LRBA: variants seen among roughly 807,000 people sequenced by gnomAD.
The protein encoded by LRBA is lipopolysaccharide-responsive and beige-like anchor protein.
In LRBA, 176 loss-of-function variants were observed where a neutral mutation model predicts 330.0. That is an observed-to-expected ratio of 0.53 (90% confidence interval 0.47 to 0.60). LRBA has a LOEUF of 0.60. LRBA is among the 20% of genes least tolerant of loss of function. The pLI is 0.00. For synonymous variants in LRBA, 1,230 were observed against 1,193.0 expected, an observed-to-expected ratio of 1.03 and a Z score of -0.64; for missense variants, 3,259 against 3,444.8, an observed-to-expected ratio of 0.95 and a Z score of 1.35.
intron 40 of LRBA, among the ~76,000 whole-genome samples, chr4:150,523,115 C>A (rs1045235522): frequency 6.6e-6 from 1 of 152,154 alleles, no homozygotes; most frequent in South Asian, 2.1e-4. Context: ...ATATTCTGGA[C>A]GTTAAACTTT....
At chr4:150,448,832 G>A (rs1317759411) in intron 44 of LRBA, among the ~76,000 whole-genome samples, 1 of 100,898 alleles carries the variant, frequency 9.9e-6, no homozygotes, top group Non-Finnish European at 2.0e-5. Context: ...AGGGGGGGGG[G>A]GTGGGCAGGA....
At chr4:150,312,003 G>A (rs529819775) in intron 51 of LRBA, among the ~76,000 whole-genome samples, 3 of 152,210 alleles carry the variant, frequency 2.0e-5, no homozygotes, top group South Asian at 4.1e-4. Context: ...CATGAGAGCT[G>A]TAAACATGTT....
intron 33 of LRBA, among the ~76,000 whole-genome samples, chr4:150,802,023 AAATAAATAAATAAATAAATAAATAAATC>A (rs1199458816): frequency 1.2e-4 from 12 of 96,242 alleles, no homozygotes; most frequent in Admixed American, 3.7e-4. Context: ...ATAAATAAAT[AAATAAATAAATAAATAAATAAATAAATC>A]AATAAAATTT....
At chr4:150,968,728 T>C (rs984078480) in intron 2 of LRBA, among the ~76,000 whole-genome samples, 1 of 152,240 alleles carries the variant, frequency 6.6e-6, no homozygotes, top group African/African-American at 2.4e-5. Flanking sequence ...CTACCTGAGA[T>C]AACTGATAAA....
In LRBA at chr4:150,930,041, G is replaced by A. The variant is rs113672192; in HGVS notation, c.217-976C>T. Among the ~76,000 whole-genome samples the A allele has an allele frequency of 2.4e-4, 36 of 152,258 alleles. 1 individual carries two copies. Among genetic ancestry groups the A allele is most frequent in the Middle Eastern group, 3.4e-3 (1 of 294 alleles). The stretch of plus-strand genomic sequence containing the variant: ...CTTTAAAAAACAAATCCGGCAGGGC[G>A]TGGTGGCTCATGCCTGTAATCCCAG... On this transcript the variant is annotated intron_variant, in intron 2 of 56. Coordinates refer to ENST00000651943, the MANE Select transcript of LRBA (RefSeq NM_001364905.1).
chr4:150,943,686 A>G (rs1735920188), intron 2 of LRBA, among the ~76,000 whole-genome samples: 1 of 152,216 alleles, frequency 6.6e-6, no homozygotes, highest in South Asian at 2.1e-4. Flanking sequence ...TATTGAAGTT[A>G]GTAAGTAAAC....
intron 48 of LRBA, among the ~76,000 whole-genome samples, chr4:150,329,617 T>G (rs1733729205): frequency 6.6e-6 from 1 of 152,198 alleles, no homozygotes; most frequent in Non-Finnish European, 1.5e-5. Context: ...TTTTTTCTAC[T>G]GGGCCTCAAA....
chr4:150,526,395 G>A (rs187906044), intron 40 of LRBA, among the ~76,000 whole-genome samples: 29 of 152,244 alleles, frequency 1.9e-4, no homozygotes, highest in Admixed American at 7.8e-4. Context: ...TGTAACAGAT[G>A]TTTCACCTCC....
chr4:150,730,566 C>T (rs1225197119), intron 36 of LRBA, among the ~76,000 whole-genome samples: 1 of 151,692 alleles, frequency 6.6e-6, no homozygotes, highest in Non-Finnish European at 1.5e-5. Flanking sequence ...GCCTTTAATC[C>T]CAGCTACTTG....
chr4:150,311,900 A>G (rs77664344), intron 51 of LRBA, among the ~76,000 whole-genome samples: 5,642 of 152,302 alleles, frequency 0.037, 249 homozygotes, highest in African/African-American at 0.097. Context: ...ATGAAGTTGT[A>G]TGATACAATT....
chr4:150,571,848 G>T, intron 40 of LRBA, among the ~76,000 whole-genome samples: 1 of 150,258 alleles, frequency 6.7e-6, no homozygotes, highest in African/African-American at 2.4e-5. Context: ...TTACTTTTCT[G>T]TTTTATTTCA....
In LRBA at chr4:150,267,349, T is replaced by C. The variant is rs10020619; in HGVS notation, c.8469-1537A>G. Among the ~76,000 whole-genome samples, 1,035 of 152,246 alleles carry C rather than the reference T, an allele frequency of 6.8e-3. 7 individuals carry two copies. The highest frequency in any genetic ancestry group is 0.024 in the African/African-American group (991 of 41,532). ...CACAAAGTAGCTTTTCTGATCATAA[T>C]AGAATGAAACTAGGTACCAATAACT... On this transcript the variant is annotated intron_variant, in intron 56 of 56. Coordinates refer to ENST00000651943, the MANE Select transcript of LRBA (RefSeq NM_001364905.1).
rs1206337383 is a variant in LRBA, at chr4:150,597,075, A to G, written c.6046+1932T>C. The G allele has an allele frequency of 2.2e-6, 3 of 1,355,240 alleles. No homozygotes were observed. In the East Asian group the frequency reaches 7.3e-5, roughly 33 times the overall value. The allele number at this position is 1,355,240 out of a possible 1,614,324, so 84.0% of individuals were successfully genotyped here. ...TAAAATTACTATAAAATATTACTCA[A>G]TGCTTACCTTTGCTGTTCTCTCTCA... is the stretch of plus-strand genomic sequence containing the variant. On this transcript the variant is annotated intron_variant, in intron 38 of 56. Coordinates refer to ENST00000651943, the MANE Select transcript of LRBA (RefSeq NM_001364905.1).
rs112617055 is a variant in LRBA at position 150,625,998 on chromosome 4, A to AT, written c.5922-26868dup. Among the ~76,000 whole-genome samples, 1,365 of 145,916 alleles carry AT rather than the reference A, an allele frequency of 9.4e-3. 15 individuals are homozygous for AT. The highest frequency in any genetic ancestry group is 0.028 in the African/African-American group (1,116 of 40,028). On this transcript the variant is annotated intron_variant, in intron 37 of 56. Coordinates refer to ENST00000651943, the MANE Select transcript of LRBA (RefSeq NM_001364905.1). Reference sequence around the variant, plus strand: ...TGAGCCACAGTCCTTGGCCGGATATATTTTTTTTTTTTGGAAGCTTTCCAT... The same window carrying AT: ...TGAGCCACAGTCCTTGGCCGGATATATTTTTTTTTTTTTGGAAGCTTTCCAT...
At chr4:150,794,490 GA>G (rs912734395) in intron 34 of LRBA, among the ~76,000 whole-genome samples, 8 of 151,432 alleles carry the variant, frequency 5.3e-5, no homozygotes, top group South Asian at 2.1e-4. Context: ...GAAGATTCAG[GA>G]AAAAAATTCA....
At chr4:150,710,906 A>G (rs995145549) in intron 36 of LRBA, among the ~76,000 whole-genome samples, 2 of 151,898 alleles carry the variant, frequency 1.3e-5, no homozygotes, top group African/African-American at 2.4e-5. Flanking sequence ...GCTAAAGGAT[A>G]CTATTATTCA....
intron 2 of LRBA, among the ~76,000 whole-genome samples, chr4:150,941,036 T>A (rs1735615659): frequency 1.3e-5 from 2 of 152,198 alleles, no homozygotes; most frequent in African/African-American, 4.8e-5. Context: ...AAATTTTAGA[T>A]TGTAAATTTA....
intron 56 of LRBA, among the ~76,000 whole-genome samples, chr4:150,275,740 A>G (rs1746670970): frequency 6.6e-6 from 1 of 152,256 alleles, no homozygotes. Flanking sequence ...GGACCTCTTC[A>G]AGGAGAACTA....
At chr4:150,607,611 A>T (rs1287398462) in intron 37 of LRBA, among the ~76,000 whole-genome samples, 2 of 151,936 alleles carry the variant, frequency 1.3e-5, no homozygotes, top group Non-Finnish European at 2.9e-5. Flanking sequence ...GATTTAAAAT[A>T]GGGAGATTGA....
Sources: gnomAD v4.1 joint callset for allele counts (sites outside exome capture counted in the v4.1 genomes callset) on GRCh38, gnomAD v4.1.1 for gene constraint, MANE v1.5 for transcripts, NCBI Gene and HGNC (gene_info 2026-07-23, HGNC 2026-07-21) for gene names.